Variants in PRRC2B observed in about 807,000 individuals in gnomAD.
PRRC2B encodes the protein protein PRRC2B.
A neutral mutation model predicts 242.3 loss-of-function variants in PRRC2B; 68 were observed. The ratio of observed to expected loss-of-function variants is 0.28; its 90% CI spans 0.23 to 0.34. The LOEUF (loss-of-function observed/expected upper bound fraction) is 0.34. Ranked by LOEUF, PRRC2B falls within the 10% of genes least tolerant of loss-of-function variation. The pLI is 1.00. For missense variants in PRRC2B, 2,835 were observed against 2,954.8 expected (o/e 0.96, Z 0.94); for synonymous variants, 1,228 against 1,173.6 (o/e 1.05, Z -0.95).
Position 131,482,196 on chromosome 9 carries a change from G to A in PRRC2B, c.4984-175G>A, listed in dbSNP as rs1483135684. On this transcript the variant is annotated intron_variant, in intron 20 of 31. Transcript: ENST00000683519. This position sits in a 1 kb window ranked among gnomAD's most constrained non-coding sequence, Gnocchi z 5.2. ...TCACGAGCTCTATCGGGGTTGGTGT[G>A]TTTGGCCACACGTAAGTTGTCAGGC... Among the ~76,000 whole-genome samples the A allele has an allele frequency of 6.6e-6, 1 of 152,220 alleles. No homozygotes were observed. Among genetic ancestry groups the A allele is most frequent in the Non-Finnish European group, 1.5e-5 (1 of 68,046 alleles).
chr9:131,420,459 TTCTTTC>T (rs1397932853), intron 1 of PRRC2B, among the ~76,000 whole-genome samples: 19 of 9,534 alleles, frequency 2.0e-3, no homozygotes, highest in African/African-American at 3.4e-3. Flanking sequence ...TTCTTTTTCT[TTCTTTC>T]TTTCTTTCTT....
At chr9:131,430,052 T>TA in intron 1 of PRRC2B, 42 bp from the exon 2 acceptor site, 1 of 661,914 alleles carries the variant, frequency 1.5e-6, no homozygotes, top group Non-Finnish European at 2.6e-6. Flanking sequence ...TTTTTTTTTT[T>TA]TCTCTCTCTT....
intron 13 of PRRC2B, 29 bp downstream of exon 13, chr9:131,467,782 G>A: frequency 1.2e-6 from 2 of 1,610,226 alleles, no homozygotes; most frequent in Non-Finnish European, 1.7e-6. Flanking sequence ...AAAAGACTGT[G>A]ATAAACAGGC....
intron 1 of PRRC2B, among the ~76,000 whole-genome samples, chr9:131,387,915 G>A (rs980019471): frequency 1.3e-5 from 2 of 150,840 alleles, no homozygotes; most frequent in African/African-American, 2.4e-5. Context: ...ATTAGGCCAG[G>A]TGCAGTGGCC....
At position 131,483,351 on chromosome 9, in the gene PRRC2B, T is replaced by A. The variant is rs367589728; in HGVS notation, c.5374-8T>A. The A allele has an allele frequency of 6.2e-7, 1 of 1,613,776 alleles. No homozygotes were observed. Among genetic ancestry groups the A allele is most frequent in the Non-Finnish European group, 8.5e-7 (1 of 1,179,820 alleles). On this transcript the variant is annotated splice_polypyrimidine_tract_variant and splice_region_variant and intron_variant, in intron 22 of 31. Transcript: ENST00000683519. ...CAGTGGGCTGTGTGGCCTTTTTTAT[T>A]TTTTCAGGACTCCGATTTCAGCTTG...
intron 1 of PRRC2B, among the ~76,000 whole-genome samples, chr9:131,418,572 T>G (rs1254466749): frequency 6.6e-6 from 1 of 152,150 alleles, no homozygotes; most frequent in Non-Finnish European, 1.5e-5. Flanking sequence ...CCAGCCTGAT[T>G]TGTCTTCTTC....
At chr9:131,405,356 C>T (rs111972297) in intron 1 of PRRC2B, among the ~76,000 whole-genome samples, 1,797 of 152,320 alleles carry the variant, frequency 0.012, 77 homozygotes, top group Admixed American at 0.076. Context: ...AACTGTTATA[C>T]ACTGGAGCCT....
chr9:131,382,633 C>A (rs1185017309), intron 1 of PRRC2B, among the ~76,000 whole-genome samples: 1 of 151,374 alleles, frequency 6.6e-6, no homozygotes, highest in African/African-American at 2.4e-5. Context: ...TAGCTCCAGG[C>A]CCCCATTCCT....
chr9:131,389,912 G>GTTT (rs1229622613), upstream of PRRC2B, among the ~76,000 whole-genome samples: 4 of 136,444 alleles, frequency 2.9e-5, no homozygotes, highest in Admixed American at 8.0e-5. Context: ...TCGGAACATG[G>GTTT]TTGTTTTTTT....
intron 11 of PRRC2B, among the ~76,000 whole-genome samples, chr9:131,460,549 G>A (rs1391103315): frequency 6.6e-6 from 1 of 152,184 alleles, no homozygotes; most frequent in African/African-American, 2.4e-5. Context: ...TGGGGTGCCT[G>A]CCAGGTTTCA....
chr9:131,465,279 C>T (rs949106797), intron 12 of PRRC2B, among the ~76,000 whole-genome samples: 3 of 152,232 alleles, frequency 2.0e-5, no homozygotes, highest in Admixed American at 6.5e-5. Flanking sequence ...TTTATAATTT[C>T]AACTTTTACT....
Position 131,463,954 on chromosome 9 carries a change from T to C in PRRC2B, c.1405-809T>C, listed in dbSNP as rs1243569105. Reference sequence around the variant, plus strand: ...TTGCTAGACATGCTTTTTTTTTTTTTTCCCCCAGATGGAGTCTCGCTCTGT... The same window carrying C: ...TTGCTAGACATGCTTTTTTTTTTTTCTCCCCCAGATGGAGTCTCGCTCTGT... On this transcript the variant is annotated intron_variant, in intron 11 of 31. Coordinates refer to ENST00000683519, the MANE Select transcript of PRRC2B (RefSeq NM_013318.4). 7.9e-5 allele frequency among the ~76,000 whole-genome samples: 12 copies of C among 151,364 alleles called. No homozygotes were observed. The East Asian group carries it at 1.5e-3, about 20-fold the overall frequency.
intron 1 of PRRC2B, among the ~76,000 whole-genome samples, chr9:131,375,788 G>T (rs188616015): frequency 6.6e-6 from 1 of 152,104 alleles, no homozygotes; most frequent in East Asian, 1.9e-4. Flanking sequence ...CAGCACTTAG[G>T]GCAGCCTAGG....
intron 1 of PRRC2B, among the ~76,000 whole-genome samples, chr9:131,418,313 A>G (rs1174802234): frequency 1.3e-5 from 2 of 152,210 alleles, no homozygotes; most frequent in Non-Finnish European, 2.9e-5. Context: ...GTGTAGAGAG[A>G]GAGCTACTGC....
chr9:131,468,103 A>C (rs1397769284), intron 13 of PRRC2B, among the ~76,000 whole-genome samples: 1 of 152,176 alleles, frequency 6.6e-6, no homozygotes, highest in African/African-American at 2.4e-5. Flanking sequence ...ATTTCAGAGC[A>C]GTGCACCTTG....
At chr9:131,430,501 A>G (rs1838107097) in intron 2 of PRRC2B, among the ~76,000 whole-genome samples, 1 of 57,724 alleles carries the variant, frequency 1.7e-5, no homozygotes, top group South Asian at 1.2e-3. Flanking sequence ...AGATATATCT[A>G]TAGATATCTA....
chr9:131,427,978 A>G (rs934533856), intron 1 of PRRC2B, among the ~76,000 whole-genome samples: 10 of 151,102 alleles, frequency 6.6e-5, no homozygotes, highest in Non-Finnish European at 1.2e-4. Flanking sequence ...CTGGAGTGCA[A>G]TGGCACAATC....
rs565980323 is a variant in PRRC2B at position 131,475,119 on chromosome 9, A to G, written c.2990A>G (p.Asn997Ser). The change falls in exon 16 of 32, where the codon AAC (asparagine) becomes AGC (serine). Residue 997 changes from asparagine (N) to serine (S), a missense_variant. Physicochemically the swap from Asn to Ser is conservative, Grantham distance 46. Coordinates refer to ENST00000683519, the MANE Select transcript of PRRC2B (RefSeq NM_013318.4). ...GAAGAGAACGATGCCTCTCTGGCCA[A>G]CTCCTCCACCACCACTTTGGAGGAC... ...EDEENDASLANSSTTTLEDKG... is the reference protein window; with the variant it reads ...EDEENDASLASSSTTTLEDKG... 1.9e-6 allele frequency: 3 copies of G among 1,612,102 alleles called. No individual in the cohort carries two copies. The highest frequency in any genetic ancestry group is 1.7e-5 in the Admixed American group (1 of 59,760).
chr9:131,380,598 G>A (rs1836743803), intron 1 of PRRC2B, among the ~76,000 whole-genome samples: 1 of 150,156 alleles, frequency 6.7e-6, no homozygotes, highest in Non-Finnish European at 1.5e-5. Context: ...AAAAAAAAAA[G>A]GCCGGCCGCA....
Sources: gnomAD v4.1 joint callset for allele counts (sites outside exome capture counted in the v4.1 genomes callset) on GRCh38, gnomAD v4.1.1 for gene constraint, Gnocchi (gnomAD v3.1) non-coding constraint, MANE v1.5 for transcripts, NCBI Gene and HGNC (gene_info 2026-07-23, HGNC 2026-07-21) for gene names.